The following CTNNA3 variants were observed in gnomAD, a reference collection of about 807,000 sequenced individuals.
CTNNA3 encodes the protein catenin alpha 3.
CTNNA3 carries 76 observed loss-of-function variants against 95.7 expected under a neutral mutation model. The ratio of observed to expected loss-of-function variants is 0.79; its 90% CI spans 0.66 to 0.96. CTNNA3 has a LOEUF of 0.96. Ranked by LOEUF, CTNNA3 falls within the 40% of genes least tolerant of loss-of-function variation. CTNNA3 has a pLI of 0.00. For synonymous variants in CTNNA3, 431 were observed against 374.4 expected (o/e 1.15, Z -1.74); for missense variants, 1,191 against 1,089.8 (o/e 1.09, Z -1.31).
At chr10:66,635,188 G>A (rs1480197075) in intron 9 of CTNNA3, among the ~76,000 whole-genome samples, 1 of 152,028 alleles carries the variant, frequency 6.6e-6, no homozygotes, top group African/African-American at 2.4e-5. Context: ...CACCTGCCTA[G>A]TAAATTTAAT....
chr10:65,962,714 AC>A (rs1350651324), intron 17 of CTNNA3, among the ~76,000 whole-genome samples: 3 of 45,856 alleles, frequency 6.5e-5, no homozygotes, highest in Admixed American at 2.1e-4. Context: ...CTAGCCCCCC[AC>A]CCCCCGACAG....
chr10:66,155,306 C>T (rs1356760106), intron 13 of CTNNA3, among the ~76,000 whole-genome samples: 1 of 151,748 alleles, frequency 6.6e-6, no homozygotes, highest in Admixed American at 6.6e-5. Flanking sequence ...AGCCAAGTGA[C>T]TAAGACACTT....
intron 7 of CTNNA3, among the ~76,000 whole-genome samples, chr10:66,916,286 A>G (rs1449207151): frequency 6.6e-6 from 1 of 152,224 alleles, no homozygotes; most frequent in Non-Finnish European, 1.5e-5. Context: ...TAATAATAAC[A>G]TATTAACATG....
intron 1 of CTNNA3, among the ~76,000 whole-genome samples, chr10:67,703,873 A>C (rs1841060694): frequency 6.6e-6 from 1 of 152,198 alleles, no homozygotes; most frequent in Non-Finnish European, 1.5e-5. Flanking sequence ...ATATCTAGAA[A>C]ACCCCACTGT....
intron 12 of CTNNA3, among the ~76,000 whole-genome samples, chr10:66,363,008 T>C (rs2092687545): frequency 6.6e-6 from 1 of 152,234 alleles, no homozygotes; most frequent in Non-Finnish European, 1.5e-5. Context: ...TCAGATGACT[T>C]AGTCTTTCAC....
At chr10:66,469,190 A>C (rs1435976821) in intron 11 of CTNNA3, among the ~76,000 whole-genome samples, 1 of 151,958 alleles carries the variant, frequency 6.6e-6, no homozygotes, top group Non-Finnish European at 1.5e-5. Context: ...ATATTCAAGA[A>C]GGAAAACACT....
At chr10:66,618,164 C>T (rs1317320909) in intron 10 of CTNNA3, among the ~76,000 whole-genome samples, 3 of 151,894 alleles carry the variant, frequency 2.0e-5, no homozygotes, top group Non-Finnish European at 2.9e-5. Context: ...CAATGCCATC[C>T]CCATCAAGCT....
chr10:66,448,673 G>A (rs2093441578), intron 11 of CTNNA3, among the ~76,000 whole-genome samples: 1 of 140,440 alleles, frequency 7.1e-6, no homozygotes. Context: ...TTCAAGGACT[G>A]TTGTGGGGTG....
At chr10:66,464,301 C>T (rs1002974011) in intron 11 of CTNNA3, among the ~76,000 whole-genome samples, 74 of 152,208 alleles carry the variant, frequency 4.9e-4, no homozygotes, top group African/African-American at 1.8e-3. Flanking sequence ...ACTACTCTTC[C>T]TCCTGCTAGG....
intron 10 of CTNNA3, among the ~76,000 whole-genome samples, chr10:66,536,781 G>A (rs1037522695): frequency 2.6e-5 from 4 of 152,076 alleles, no homozygotes; most frequent in Admixed American, 2.0e-4. Flanking sequence ...TTGAACCTAA[G>A]TTTATTTCAT....
intron 4 of CTNNA3, among the ~76,000 whole-genome samples, chr10:67,528,960 G>A (rs1390094925): frequency 1.3e-5 from 2 of 152,106 alleles, no homozygotes; most frequent in Admixed American, 1.3e-4. Context: ...GTACATCATG[G>A]TGACTGCAGT....
At chr10:66,728,277 C>T (rs1269934878) in intron 9 of CTNNA3, among the ~76,000 whole-genome samples, 4 of 152,086 alleles carry the variant, frequency 2.6e-5, no homozygotes, top group Non-Finnish European at 5.9e-5. Flanking sequence ...ACCTGTAAGA[C>T]CAGCCCTGTA....
chr10:66,628,431 AG>A (rs1255799112), intron 9 of CTNNA3, among the ~76,000 whole-genome samples: 1 of 152,122 alleles, frequency 6.6e-6, no homozygotes, highest in Non-Finnish European at 1.5e-5. Context: ...GAAAGTCCTT[AG>A]GTTATTAAAC....
At chr10:66,956,632 G>C (rs574172519) in intron 7 of CTNNA3, among the ~76,000 whole-genome samples, 1 of 152,308 alleles carries the variant, frequency 6.6e-6, no homozygotes, top group South Asian at 2.1e-4. Context: ...TGTCATTTCA[G>C]AGTGAAATTA....
chr10:66,901,796 G>T (rs1003050056), intron 7 of CTNNA3, among the ~76,000 whole-genome samples: 6 of 152,148 alleles, frequency 3.9e-5, no homozygotes, highest in Non-Finnish European at 8.8e-5. Flanking sequence ...ATTACATAAT[G>T]GTAAAGGGAT....
intron 12 of CTNNA3, among the ~76,000 whole-genome samples, chr10:66,283,452 AAG>A (rs1226542463): frequency 2.0e-5 from 3 of 151,850 alleles, no homozygotes; most frequent in African/African-American, 7.2e-5. Flanking sequence ...TTGGCAAAAA[AAG>A]AAAAATTTAA....
chr10:66,367,727 A>G (rs1352169398), intron 12 of CTNNA3, among the ~76,000 whole-genome samples: 1 of 147,778 alleles, frequency 6.8e-6, no homozygotes. Context: ...GATTCATGAT[A>G]TTCTAAGCCT....
chr10:66,764,478 G>A (rs941176361), intron 9 of CTNNA3, among the ~76,000 whole-genome samples: 2 of 152,158 alleles, frequency 1.3e-5, no homozygotes, highest in African/African-American at 4.8e-5. Flanking sequence ...TTTCCAAGAG[G>A]AGCTATAGAT....
chr10:66,726,908 G>A (rs1290135952), intron 9 of CTNNA3, among the ~76,000 whole-genome samples: 1 of 152,056 alleles, frequency 6.6e-6, no homozygotes, highest in Non-Finnish European at 1.5e-5. Context: ...AAGTAGCAAT[G>A]TGACCCTAAA....
Sources: gnomAD v4.1 joint callset for allele counts (sites outside exome capture counted in the v4.1 genomes callset) on GRCh38, gnomAD v4.1.1 for gene constraint, MANE v1.5 for transcripts, NCBI Gene and HGNC (gene_info 2026-07-23, HGNC 2026-07-21) for gene names.